The following FAM135B variants were observed in gnomAD, a reference collection of about 807,000 sequenced individuals.
The protein encoded by FAM135B is protein FAM135B.
A neutral mutation model predicts 127.7 loss-of-function variants in FAM135B; 43 were observed. The observed-to-expected ratio is 0.34, with a 90% CI of 0.26 to 0.43. The LOEUF (loss-of-function observed/expected upper bound fraction) is 0.43, where lower values mean the gene tolerates loss of function less well. Ranked by LOEUF, FAM135B falls within the 20% of genes least tolerant of loss-of-function variation. FAM135B has a pLI of 1.00. For synonymous variants in FAM135B, 670 were observed against 665.1 expected, an observed-to-expected ratio of 1.01 and a Z score of -0.11; for missense variants, 1,558 against 1,725.6, an observed-to-expected ratio of 0.90 and a Z score of 1.72.
chr8:138,394,428 G>A (rs1304303153), intron 1 of FAM135B, among the ~76,000 whole-genome samples: 1 of 152,180 alleles, frequency 6.6e-6, no homozygotes, highest in Non-Finnish European at 1.5e-5. Flanking sequence ...AGAGGTTTAG[G>A]TAGGCTAAGT....
Position 138,152,358 on chromosome 8 carries a change from T to C in FAM135B, c.2117A>G (p.Glu706Gly), listed in dbSNP as rs778482232. 22 of 1,614,046 alleles carry C rather than the reference T, an allele frequency of 1.4e-5. No homozygotes were observed. Among genetic ancestry groups the C allele is most frequent in the Non-Finnish European group, 1.8e-5 (21 of 1,180,026 alleles). Reference protein sequence around the residue: ...AWSEARSRALELPSDREVLHP... With the variant: ...AWSEARSRALGLPSDREVLHP... ...CAAGACTTCCCGATCACTGGGCAACTCCAGAGCCCTGCTTCGGGCCTCTGA... is the reference window on the plus strand; with the variant it reads ...CAAGACTTCCCGATCACTGGGCAACCCCAGAGCCCTGCTTCGGGCCTCTGA... Residue 706 changes from glutamate to glycine, a missense_variant, in exon 13 of 20, where the codon GAG becomes GGG. Glu to Gly is a moderately conservative substitution (Grantham distance 98). Transcript: ENST00000395297.
chr8:138,450,976 G>C (rs1215741933), intron 1 of FAM135B, among the ~76,000 whole-genome samples: 1 of 152,178 alleles, frequency 6.6e-6, no homozygotes, highest in Non-Finnish European at 1.5e-5. Context: ...TAAAGTTTAA[G>C]TAATTTGACA....
chr8:138,190,607 GT>G (rs1259976755), intron 9 of FAM135B, among the ~76,000 whole-genome samples: 1 of 152,208 alleles, frequency 6.6e-6, no homozygotes, highest in Non-Finnish European at 1.5e-5. Context: ...TTCCCTTTAT[GT>G]TTTTGTTGTA....
At chr8:138,321,144 G>T (rs1827429349) in intron 2 of FAM135B, among the ~76,000 whole-genome samples, 1 of 152,158 alleles carries the variant, frequency 6.6e-6, no homozygotes, top group Non-Finnish European at 1.5e-5. Flanking sequence ...TCATGGGCGA[G>T]GAAAGCCATA....
chr8:138,244,562 G>C (rs1273186277), intron 6 of FAM135B, among the ~76,000 whole-genome samples: 4 of 152,164 alleles, frequency 2.6e-5, no homozygotes, highest in Admixed American at 2.6e-4. Context: ...TCAATGCTAG[G>C]AGCTATCTGT....
chr8:138,171,951 T>C (rs946291018), intron 11 of FAM135B, among the ~76,000 whole-genome samples: 2 of 152,164 alleles, frequency 1.3e-5, no homozygotes, highest in African/African-American at 4.8e-5. Context: ...GGTGTGCATG[T>C]GTGTGCATAC....
Position 138,314,470 on chromosome 8 carries a change from G to A in FAM135B, c.78-3550C>T, listed in dbSNP as rs147728739. ...CACACCAATTAAAAAGTGGGCAAACGCAAGAAAAATTTCACCAAAGGGGAC... is the reference window on the plus strand; with the variant it reads ...CACACCAATTAAAAAGTGGGCAAACACAAGAAAAATTTCACCAAAGGGGAC... On this transcript the variant is annotated intron_variant, in intron 2 of 19. Coordinates refer to ENST00000395297, the MANE Select transcript of FAM135B (RefSeq NM_015912.4). Among the ~76,000 whole-genome samples, 5 of 152,020 alleles carry A rather than the reference G, an allele frequency of 3.3e-5. No homozygotes were observed. In the East Asian group the frequency reaches 9.7e-4, roughly 29 times the overall value.
intron 2 of FAM135B, among the ~76,000 whole-genome samples, chr8:138,336,092 G>A (rs2131023965): frequency 1.3e-5 from 2 of 152,126 alleles, no homozygotes; most frequent in Non-Finnish European, 2.9e-5. Flanking sequence ...GAATCTCTGG[G>A]ACACATTCAA....
At chr8:138,202,079 C>A (rs1817172816) in intron 7 of FAM135B, among the ~76,000 whole-genome samples, 1 of 136,996 alleles carries the variant, frequency 7.3e-6, no homozygotes, top group Non-Finnish European at 1.5e-5. Flanking sequence ...GAGCAAAGAT[C>A]ACGCCATTGC....
intron 9 of FAM135B, among the ~76,000 whole-genome samples, chr8:138,179,394 T>C (rs1814789596): frequency 6.6e-6 from 1 of 152,150 alleles, no homozygotes; most frequent in Non-Finnish European, 1.5e-5. Flanking sequence ...TTGACGGTGC[T>C]CCCTATCTAA....
chr8:138,449,634 C>G (rs1295095472), intron 1 of FAM135B, among the ~76,000 whole-genome samples: 1 of 152,154 alleles, frequency 6.6e-6, no homozygotes. Context: ...GAGGAATCTG[C>G]TCAGATTTCT....
At chr8:138,335,930 C>T (rs954130389) in intron 2 of FAM135B, among the ~76,000 whole-genome samples, 7 of 152,276 alleles carry the variant, frequency 4.6e-5, no homozygotes, top group Non-Finnish European at 7.4e-5. Flanking sequence ...TGCAATCAAA[C>T]TAGAACTCAG....
chr8:138,134,393 G>A (rs2130508066), intron 19 of FAM135B, among the ~76,000 whole-genome samples: 1 of 152,166 alleles, frequency 6.6e-6, no homozygotes, highest in East Asian at 1.9e-4. Context: ...TTTATTTAAA[G>A]AAAAAAGTCA....
chr8:138,466,028 G>A (rs1239026703), intron 1 of FAM135B, among the ~76,000 whole-genome samples: 3 of 152,032 alleles, frequency 2.0e-5, no homozygotes, highest in Non-Finnish European at 4.4e-5. Flanking sequence ...TGCCTGCCTC[G>A]GCCTCCCAAC....
At chr8:138,195,160 G>A (rs1816507747) in intron 9 of FAM135B, 98 bp downstream of exon 9, 1 of 1,128,992 alleles carries the variant, frequency 8.9e-7, no homozygotes, top group South Asian at 1.3e-5. Flanking sequence ...TACAAGTGGT[G>A]TCTTTTCACT....
chr8:138,407,600 G>A (rs1833597143), intron 1 of FAM135B, among the ~76,000 whole-genome samples: 1 of 152,108 alleles, frequency 6.6e-6, no homozygotes, highest in Non-Finnish European at 1.5e-5. Flanking sequence ...CAGAAATAAT[G>A]CTGCATACCT....
intron 7 of FAM135B, among the ~76,000 whole-genome samples, chr8:138,212,437 G>A (rs2129873488): frequency 6.6e-6 from 1 of 152,296 alleles, no homozygotes; most frequent in East Asian, 1.9e-4. Context: ...AGGGAAAAAG[G>A]AAATAAGAGG....
intron 7 of FAM135B, among the ~76,000 whole-genome samples, chr8:138,197,981 C>T (rs1816799076): frequency 6.6e-6 from 1 of 152,172 alleles, no homozygotes; most frequent in African/African-American, 2.4e-5. Context: ...GTGATGAGGA[C>T]ATTGGCCTCA....
intron 3 of FAM135B, among the ~76,000 whole-genome samples, chr8:138,309,886 G>A (rs1347808436): frequency 9.9e-6 from 1 of 100,754 alleles, no homozygotes; most frequent in African/African-American, 4.4e-5. Context: ...TTTTTTTGGA[G>A]CTCCACTCTG....
Sources: gnomAD v4.1 joint callset for allele counts (sites outside exome capture counted in the v4.1 genomes callset) on GRCh38, gnomAD v4.1.1 for gene constraint, MANE v1.5 for transcripts, NCBI Gene and HGNC (gene_info 2026-07-23, HGNC 2026-07-21) for gene names.